NR6A1: variants seen among roughly 807,000 people sequenced by gnomAD.
The protein encoded by NR6A1 is nuclear receptor subfamily 6 group A member 1.
NR6A1 carries 7 observed loss-of-function variants against 59.1 expected under a neutral mutation model. The observed-to-expected ratio is 0.12, with a 90% CI of 0.07 to 0.22. The LOEUF (loss-of-function observed/expected upper bound fraction) is 0.22. Among genes scored for constraint, NR6A1 ranks in the 10% least tolerant of loss-of-function variants. The pLI, the probability that NR6A1 is intolerant of heterozygous loss-of-function variation, is 1.00. For synonymous variants in NR6A1, 243 were observed against 236.1 expected (o/e 1.03, Z -0.27); for missense variants, 468 against 611.6 (o/e 0.77, Z 2.48).
Position 124,596,384 on chromosome 9 carries a change from C to T in NR6A1, c.143-41814G>A, listed in dbSNP as rs183275806. Reference sequence around the variant, plus strand: ...ATAAACAATGACAAGGCAAATTCCTCTAAGAAAATTAATACACAGAGCTAA... The same window carrying T: ...ATAAACAATGACAAGGCAAATTCCTTTAAGAAAATTAATACACAGAGCTAA... On this transcript the variant is annotated intron_variant, in intron 2 of 9. Coordinates refer to ENST00000487099, the MANE Select transcript of NR6A1 (RefSeq NM_033334.4). Among the ~76,000 whole-genome samples, 57 of 152,194 alleles carry T rather than the reference C, an allele frequency of 3.7e-4. 1 individual carries two copies. The highest frequency in any genetic ancestry group is 3.3e-3 in the South Asian group (16 of 4,816).
intron 2 of NR6A1, among the ~76,000 whole-genome samples, chr9:124,580,823 A>AAAT (rs146466856): frequency 0.016 from 2,470 of 151,644 alleles, 42 homozygotes; most frequent in East Asian, 0.095. Context: ...CCAACTCAAA[A>AAAT]AATAATAATA....
At chr9:124,729,138 C>G (rs1285004158) in intron 2 of NR6A1, among the ~76,000 whole-genome samples, 1 of 151,948 alleles carries the variant, frequency 6.6e-6, no homozygotes, top group Non-Finnish European at 1.5e-5. Context: ...AGTGATGGAT[C>G]GTATCATAAA....
At chr9:124,643,468 C>T (rs546129333) in intron 2 of NR6A1, among the ~76,000 whole-genome samples, 1 of 151,832 alleles carries the variant, frequency 6.6e-6, no homozygotes, top group Non-Finnish European at 1.5e-5. Context: ...AGGCTGATGA[C>T]GTGCACCTGT....
At chr9:124,632,075 G>A (rs1836461270) in intron 2 of NR6A1, among the ~76,000 whole-genome samples, 2 of 152,150 alleles carry the variant, frequency 1.3e-5, no homozygotes, top group Non-Finnish European at 2.9e-5. Context: ...TCATTGGTGG[G>A]CATTTAGATT....
chr9:124,579,967 A>G lies in NR6A1; in HGVS notation c.143-25397T>C, dbSNP rs529320755. Among the ~76,000 whole-genome samples the G allele has an allele frequency of 5.9e-4, 90 of 152,188 alleles. 1 individual carries two copies. The South Asian group carries it at 0.018, about 31-fold the overall frequency. On this transcript the variant is annotated intron_variant, in intron 2 of 9. Coordinates refer to ENST00000487099, the MANE Select transcript of NR6A1 (RefSeq NM_033334.4). The stretch of plus-strand genomic sequence containing the variant: ...AGAGGTGGTGGTGAGCTGAGATTGC[A>G]CCATTGCACTCCAGCCTGGACAACA...
chr9:124,594,621 G>A (rs986771675), intron 2 of NR6A1, among the ~76,000 whole-genome samples: 2 of 152,120 alleles, frequency 1.3e-5, no homozygotes, highest in Non-Finnish European at 2.9e-5. Context: ...ATAAATAACA[G>A]GCCTTATATA....
chr9:124,536,709 CTT>C (rs990667113), intron 6 of NR6A1, among the ~76,000 whole-genome samples: 9 of 151,556 alleles, frequency 5.9e-5, no homozygotes, highest in African/African-American at 2.2e-4. Context: ...GGGAATATGA[CTT>C]TTATTGTTGG....
intron 2 of NR6A1, among the ~76,000 whole-genome samples, chr9:124,559,379 T>A (rs556278416): frequency 6.6e-6 from 1 of 152,190 alleles, no homozygotes; most frequent in Non-Finnish European, 1.5e-5. Flanking sequence ...GAGCCAAACC[T>A]GAAGCTTCCC....
chr9:124,572,263 GAA>G lies in NR6A1; in HGVS notation c.143-17695_143-17694del, dbSNP rs548213267. On this transcript the variant is annotated intron_variant, in intron 2 of 9. Coordinates refer to ENST00000487099, the MANE Select transcript of NR6A1 (RefSeq NM_033334.4). Reference sequence around the variant, plus strand: ...AAATCAAAATACAAAATTAATGCAAGAAAAAGTTTTAAACAGATGACTATCAC... The same window carrying G: ...AAATCAAAATACAAAATTAATGCAAGAAAGTTTTAAACAGATGACTATCAC... Among the ~76,000 whole-genome samples, 631 of 152,280 alleles carry G rather than the reference GAA, an allele frequency of 4.1e-3. 7 individuals carry two copies. Among genetic ancestry groups the G allele is most frequent in the African/African-American group, 0.014 (568 of 41,558 alleles).
At chr9:124,635,841 T>C (rs1479151623) in intron 2 of NR6A1, among the ~76,000 whole-genome samples, 1 of 152,266 alleles carries the variant, frequency 6.6e-6, no homozygotes, top group Non-Finnish European at 1.5e-5. Flanking sequence ...TATGCAGGTT[T>C]CTGTGTAGAC....
chr9:124,545,400 A>T (rs1833568322), intron 3 of NR6A1, among the ~76,000 whole-genome samples: 1 of 152,204 alleles, frequency 6.6e-6, no homozygotes, highest in South Asian at 2.1e-4. Flanking sequence ...TAATATTTTC[A>T]TCTGCTAAAT....
At chr9:124,746,718 C>T (rs918174218) in intron 1 of NR6A1, among the ~76,000 whole-genome samples, 1 of 152,104 alleles carries the variant, frequency 6.6e-6, no homozygotes, top group South Asian at 2.1e-4. Context: ...AGATACTCTA[C>T]AAAATAGGAC....
intron 7 of NR6A1, 67 bp from the exon 8 acceptor site, chr9:124,526,967 G>A (rs1254820452): frequency 6.3e-7 from 1 of 1,592,254 alleles, no homozygotes; most frequent in Admixed American, 1.7e-5. Flanking sequence ...AGGGCAGCCA[G>A]AGAGCTCCTA....
At chr9:124,557,163 CTGTAGCCCA>C (rs1420955108) in intron 2 of NR6A1, among the ~76,000 whole-genome samples, 1 of 152,130 alleles carries the variant, frequency 6.6e-6, no homozygotes, top group Non-Finnish European at 1.5e-5. Flanking sequence ...GGATCTCACT[CTGTAGCCCA>C]GGCTGGAGTG....
rs115992002 is a variant in NR6A1, at chr9:124,664,978, G to A, written c.142+68330C>T. Among the ~76,000 whole-genome samples the A allele has an allele frequency of 1.4e-3, 192 of 141,616 alleles. 2 individuals carry two copies. The highest frequency in any genetic ancestry group is 4.7e-3 in the African/African-American group (175 of 37,380). The allele number at this position is 141,616 out of a possible 152,430, so 92.9% of individuals were successfully genotyped here. ...ACTAGAGCCCAGGAGTTCAAGACCA[G>A]GCTGGGCAATATAATAAGATCCTTG... On this transcript the variant is annotated intron_variant, in intron 2 of 9. Coordinates refer to ENST00000487099, the MANE Select transcript of NR6A1 (RefSeq NM_033334.4).
chr9:124,627,225 T>C (rs1193065128), intron 2 of NR6A1, among the ~76,000 whole-genome samples: 1 of 152,210 alleles, frequency 6.6e-6, no homozygotes, highest in Non-Finnish European at 1.5e-5. Flanking sequence ...GTCATGTACC[T>C]AGAATGTAGT....
intron 2 of NR6A1, among the ~76,000 whole-genome samples, chr9:124,727,980 G>C (rs1468955914): frequency 6.6e-6 from 1 of 151,416 alleles, no homozygotes. Context: ...ACCATGCCTG[G>C]CCTAATGACT....
At chr9:124,744,316 T>C (rs1375349950) in intron 1 of NR6A1, among the ~76,000 whole-genome samples, 1 of 152,226 alleles carries the variant, frequency 6.6e-6, no homozygotes, top group Admixed American at 6.5e-5. Context: ...TACAATAATC[T>C]GTCAGTTGCC....
At chr9:124,727,901 T>C (rs2131113897) in intron 2 of NR6A1, among the ~76,000 whole-genome samples, 1 of 152,208 alleles carries the variant, frequency 6.6e-6, no homozygotes, top group African/African-American at 2.4e-5. Flanking sequence ...GCCAGGATGG[T>C]CTCGATCTCC....
Sources: allele counts gnomAD v4.1 joint callset (sites outside exome capture counted in the v4.1 genomes callset), GRCh38; gene constraint gnomAD v4.1.1; transcripts MANE v1.5; gene names NCBI Gene and HGNC (gene_info 2026-07-23, HGNC 2026-07-21).